ADRA1A: variants seen among roughly 807,000 people sequenced by gnomAD.
The protein encoded by ADRA1A is adrenoceptor alpha 1A.
Under a neutral mutation model 29.6 loss-of-function variants are expected in ADRA1A, and 31 were observed. The ratio of observed to expected loss-of-function variants is 1.05; its 90% CI spans 0.79 to 1.41. The LOEUF is 1.41. Ranked by LOEUF, ADRA1A falls within the 40% of genes most tolerant of loss-of-function variation. ADRA1A has a pLI of 0.00. For synonymous variants in ADRA1A, 311 were observed against 254.3 expected (o/e 1.22, Z -2.12); for missense variants, 619 against 601.1 (o/e 1.03, Z -0.31).
chr8:26,769,687 C>A lies in ADRA1A; in HGVS notation c.*462G>T. On this transcript the variant is annotated 3_prime_UTR_variant, in exon 3 of 3. Coordinates refer to ENST00000380573, the MANE Select transcript of ADRA1A (RefSeq NM_000680.4). ...CTCGGCCACCATCTTAATGCTCTTC[C>A]TCTCTAGGCCCTCTCCCCATAAATG... 1 of 986,122 alleles carries A rather than the reference C, an allele frequency of 1.0e-6. No individual in the cohort carries two copies. Among genetic ancestry groups the A allele is most frequent in the Non-Finnish European group, 1.2e-6 (1 of 830,648 alleles). The allele number at this position is 986,122 out of a possible 1,614,324, so 61.1% of individuals were successfully genotyped here.
intron 2 of ADRA1A, among the ~76,000 whole-genome samples, chr8:26,840,892 A>G (rs1811768395): frequency 1.3e-5 from 2 of 152,210 alleles, no homozygotes; most frequent in African/African-American, 2.4e-5. Flanking sequence ...CAGGAGAATT[A>G]TGGCTATAGA....
intron 2 of ADRA1A, among the ~76,000 whole-genome samples, chr8:26,839,850 G>T (rs1811689382): frequency 6.6e-6 from 1 of 152,116 alleles, no homozygotes; most frequent in Admixed American, 6.6e-5. Context: ...TTCCCCTATG[G>T]CTAGAGAGAA....
At chr8:26,846,986 G>A (rs1432928050) in intron 2 of ADRA1A, among the ~76,000 whole-genome samples, 1 of 151,950 alleles carries the variant, frequency 6.6e-6, no homozygotes, top group Non-Finnish European at 1.5e-5. Context: ...ACCAAACACT[G>A]CATATTCTCA....
intron 2 of ADRA1A, among the ~76,000 whole-genome samples, chr8:26,833,566 G>C (rs762852278): frequency 9.9e-5 from 15 of 152,212 alleles, no homozygotes; most frequent in Non-Finnish European, 1.9e-4. Flanking sequence ...CAATGACTCA[G>C]TCACTCCTCT....
intron 2 of ADRA1A, among the ~76,000 whole-genome samples, chr8:26,789,921 T>G (rs944280141): frequency 1.3e-5 from 2 of 152,084 alleles, no homozygotes; most frequent in African/African-American, 2.4e-5. Context: ...CTTACCCCAG[T>G]AAAAATGTCT....
chr8:26,767,799 G>A (rs1805871543), downstream of ADRA1A, among the ~76,000 whole-genome samples: 1 of 152,220 alleles, frequency 6.6e-6, no homozygotes, highest in Admixed American at 6.5e-5. Flanking sequence ...CTTCCTGTAA[G>A]GGGGAGTGGG....
At chr8:26,854,908 G>A (rs1812908953) in intron 2 of ADRA1A, among the ~76,000 whole-genome samples, 1 of 152,178 alleles carries the variant, frequency 6.6e-6, no homozygotes, top group South Asian at 2.1e-4. Context: ...GATGCAGAAA[G>A]AGGCCCCAGG....
At position 26,795,284 on chromosome 8, in the gene ADRA1A, G is replaced by A. The variant is rs182216553; in HGVS notation, c.884-24618C>T. Among the ~76,000 whole-genome samples, 413 of 152,080 alleles carry A rather than the reference G, an allele frequency of 2.7e-3. 8 individuals carry two copies. Among genetic ancestry groups the A allele is most frequent in the Admixed American group, 0.023 (352 of 15,262 alleles). Reference sequence around the variant, plus strand: ...AACCATTGGCCAATGATGAGACAATGTGAGACTCGATAAGCATTCACAAAG... The same window carrying A: ...AACCATTGGCCAATGATGAGACAATATGAGACTCGATAAGCATTCACAAAG... On this transcript the variant is annotated intron_variant, in intron 2 of 2. Coordinates refer to ENST00000380573, the MANE Select transcript of ADRA1A (RefSeq NM_000680.4).
At chr8:26,798,930 C>T (rs761928391) in intron 2 of ADRA1A, among the ~76,000 whole-genome samples, 2 of 151,986 alleles carry the variant, frequency 1.3e-5, no homozygotes, top group Non-Finnish European at 2.9e-5. Flanking sequence ...CTCTCTCTGC[C>T]CAGGGATATC....
At position 26,864,979 on chromosome 8, in the gene ADRA1A, C is replaced by A; in HGVS notation, c.-10G>T. On this transcript the variant is annotated 5_prime_UTR_variant, in exon 2 of 3. Coordinates refer to ENST00000380573, the MANE Select transcript of ADRA1A (RefSeq NM_000680.4). This position sits in a 1 kb window ranked among gnomAD's most constrained non-coding sequence, Gnocchi z 8.1. ...CCGAGAGAAACACCATGGTCCCAGC[C>A]GGGGCCGGGCGAGGTCCGGCTGTCC... 1.5e-5 allele frequency: 23 copies of A among 1,582,690 alleles called. No homozygotes were observed. The highest frequency in any genetic ancestry group is 2.0e-5 in the Non-Finnish European group (23 of 1,167,820).
chr8:26,757,269 G>A (rs542131555), intron 2 of ADRA1A: 11 of 652,330 alleles, frequency 1.7e-5, no homozygotes, highest in Non-Finnish European at 3.1e-5. Flanking sequence ...GCAAGTCCCT[G>A]CCAAATTCAG....
downstream of ADRA1A, chr8:26,756,294 T>C (rs61759705): frequency 7.7e-3 from 3,896 of 504,782 alleles, 20 homozygotes; most frequent in Middle Eastern, 0.019. Flanking sequence ...TTGTACAGTA[T>C]ACTTGATGAA....
intron 2 of ADRA1A, among the ~76,000 whole-genome samples, chr8:26,786,420 G>A (rs1807393941): frequency 6.6e-6 from 1 of 151,816 alleles, no homozygotes; most frequent in Non-Finnish European, 1.5e-5. Context: ...ATTTTTAGTA[G>A]AGACAGGGTT....
At chr8:26,843,173 T>C (rs997179923) in intron 2 of ADRA1A, among the ~76,000 whole-genome samples, 1 of 152,170 alleles carries the variant, frequency 6.6e-6, no homozygotes, top group Non-Finnish European at 1.5e-5. Context: ...CAGATTAGAC[T>C]TGAAGAAAGT....
chr8:26,862,674 T>C (rs1813569244), intron 2 of ADRA1A, among the ~76,000 whole-genome samples: 1 of 152,118 alleles, frequency 6.6e-6, no homozygotes. Context: ...GGCCAGGTAT[T>C]GGATTAAGGA....
At chr8:26,822,764 C>T (rs1385278251) in intron 2 of ADRA1A, among the ~76,000 whole-genome samples, 1 of 152,144 alleles carries the variant, frequency 6.6e-6, no homozygotes, top group African/African-American at 2.4e-5. Context: ...GCAGGCCATG[C>T]AGGAAGCATG....
At chr8:26,761,360 G>A (rs1220035633), downstream of ADRA1A, among the ~76,000 whole-genome samples, 1 of 152,176 alleles carries the variant, frequency 6.6e-6, no homozygotes, top group Admixed American at 6.5e-5. Context: ...GGGAGTCCTT[G>A]TGGGCTCAAA....
At chr8:26,748,585 A>C (rs975032604) in exon 3 of ADRA1A, 16 of 415,370 alleles carry the variant, frequency 3.9e-5, no homozygotes, top group African/African-American at 3.2e-4. Flanking sequence ...CTAAAAATAC[A>C]AAAATTAGCT....
chr8:26,864,323 C>A lies in ADRA1A; in HGVS notation c.647G>T (p.Arg216Leu). The change falls in exon 2 of 3, where the codon CGG (arginine) becomes CTG (leucine). Residue 216 changes from arginine (R) to leucine (L), a missense_variant. Transcript: ENST00000380573. This position sits in a 1 kb window ranked among gnomAD's most constrained non-coding sequence, Gnocchi z 8.1. ...RVYVVAKRES[R>L]GLKSGLKTDK... ...GGTCTTGAGGCCAGACTTGAGGCCCCGGCTCTCCCTCTTGGCCACCACGTA... is the reference window on the plus strand; with the variant it reads ...GGTCTTGAGGCCAGACTTGAGGCCCAGGCTCTCCCTCTTGGCCACCACGTA... The A allele has an allele frequency of 6.2e-7, 1 of 1,614,010 alleles. No individual in the cohort carries two copies.
Sources: allele counts gnomAD v4.1 joint callset (sites outside exome capture counted in the v4.1 genomes callset), GRCh38; gene constraint gnomAD v4.1.1; non-coding constraint Gnocchi (gnomAD v3.1); transcripts MANE v1.5; gene names NCBI Gene and HGNC (gene_info 2026-07-23, HGNC 2026-07-21).